The following ATF7 variants were observed in gnomAD, a reference collection of about 807,000 sequenced individuals.
ATF7 encodes activating transcription factor 7, also known as cyclic AMP-dependent transcription factor ATF-7.
In ATF7, 10 loss-of-function variants were observed where a neutral mutation model predicts 50.4. The observed-to-expected ratio is 0.20, with a 90% CI of 0.12 to 0.34. ATF7 has a LOEUF of 0.34. Ranked by LOEUF, ATF7 falls within the 10% of genes least tolerant of loss-of-function variation. The pLI, the probability that ATF7 is intolerant of heterozygous loss-of-function variation, is 1.00. For missense variants in ATF7, 465 were observed against 613.9 expected (o/e 0.76, Z 2.56); for synonymous variants, 201 against 226.4 (o/e 0.89, Z 1.01).
At chr12:53,561,022 T>C (rs1235852969) in intron 2 of ATF7, among the ~76,000 whole-genome samples, 1 of 151,294 alleles carries the variant, frequency 6.6e-6, no homozygotes, top group Non-Finnish European at 1.5e-5. Context: ...CTTAGATCAC[T>C]GTAACCTCAA....
At chr12:53,624,245 C>G (rs1944513285) in intron 1 of ATF7, among the ~76,000 whole-genome samples, 1 of 152,196 alleles carries the variant, frequency 6.6e-6, no homozygotes, top group Non-Finnish European at 1.5e-5. Context: ...GCTAACGGGT[C>G]AGCAATGAAT....
chr12:53,545,882 A>C (rs1025674055), intron 3 of ATF7, among the ~76,000 whole-genome samples: 7 of 151,094 alleles, frequency 4.6e-5, no homozygotes, highest in African/African-American at 1.7e-4. Flanking sequence ...ACATGGTGAA[A>C]CTCCATCTCT....
At position 53,512,476 on chromosome 12, in the gene ATF7, C is replaced by T. The variant is rs1944158372; in HGVS notation, c.*4661G>A. On this transcript the variant is annotated 3_prime_UTR_variant, in exon 12 of 12. Coordinates refer to ENST00000420353, the MANE Select transcript of ATF7 (RefSeq NM_006856.3). ...ATATAATCATAGATACACACTGCTT[C>T]CTTTTCAATAGATACTATGTTAGGA... 1 of 152,192 alleles carries T rather than the reference C, an allele frequency of 6.6e-6. No homozygotes were observed. The highest frequency in any genetic ancestry group is 1.5e-5 in the Non-Finnish European group (1 of 68,054). The allele number at this position is 152,192 out of a possible 1,614,324, so 9.4% of individuals were successfully genotyped here.
chr12:53,598,685 C>A (rs865982494), intron 2 of ATF7, among the ~76,000 whole-genome samples: 2 of 152,342 alleles, frequency 1.3e-5, no homozygotes, highest in Admixed American at 6.5e-5. Flanking sequence ...GTGGATACTA[C>A]TCTTTTCTGA....
chr12:53,584,172 G>C (rs1181979369), intron 2 of ATF7, among the ~76,000 whole-genome samples: 1 of 152,114 alleles, frequency 6.6e-6, no homozygotes, highest in Non-Finnish European at 1.5e-5. Context: ...GGAGAGACGG[G>C]GGTTTCATCA....
intron 2 of ATF7, among the ~76,000 whole-genome samples, chr12:53,559,547 C>A (rs1390359219): frequency 2.0e-5 from 3 of 151,886 alleles, no homozygotes; most frequent in African/African-American, 7.3e-5. Context: ...CGTGTGGAGG[C>A]GCGTGCCTGT....
chr12:53,522,574 A>C (rs1002843363), intron 11 of ATF7: 1 of 150,200 alleles, frequency 6.7e-6, no homozygotes, highest in Non-Finnish European at 1.5e-5. Flanking sequence ...CAAAAAAAAA[A>C]CAACATAGAT....
intron 11 of ATF7, among the ~76,000 whole-genome samples, chr12:53,519,931 A>G (rs1938005568): frequency 6.6e-6 from 1 of 151,952 alleles, no homozygotes; most frequent in Admixed American, 6.6e-5. Context: ...TATTTTTAGT[A>G]GAGATGGGGT....
At chr12:53,611,468 CA>C (rs1311117989) in intron 1 of ATF7, among the ~76,000 whole-genome samples, 1 of 152,036 alleles carries the variant, frequency 6.6e-6, no homozygotes, top group Admixed American at 6.6e-5. Context: ...AACAAACAAA[CA>C]AACAAAATTC....
At chr12:53,551,360 C>G (rs1940342024) in intron 3 of ATF7, among the ~76,000 whole-genome samples, 1 of 152,206 alleles carries the variant, frequency 6.6e-6, no homozygotes, top group South Asian at 2.1e-4. Context: ...CAAGGTCTCT[C>G]TATGCTGCTC....
At chr12:53,568,779 CTTT>C (rs1941590654) in intron 2 of ATF7, among the ~76,000 whole-genome samples, 1 of 152,184 alleles carries the variant, frequency 6.6e-6, no homozygotes, top group East Asian at 1.9e-4. Context: ...TGGATGTTTA[CTTT>C]CTAACCATAA....
chr12:53,587,479 G>A (rs1383772918), intron 2 of ATF7, among the ~76,000 whole-genome samples: 1 of 150,946 alleles, frequency 6.6e-6, no homozygotes, highest in African/African-American at 2.4e-5. Context: ...TTCAAGACCA[G>A]CTTGGCCAAT....
At chr12:53,550,687 T>A (rs1456605013) in intron 3 of ATF7, among the ~76,000 whole-genome samples, 1 of 152,206 alleles carries the variant, frequency 6.6e-6, no homozygotes, top group Non-Finnish European at 1.5e-5. Context: ...GTCATTGACA[T>A]AAAGACTTGA....
chr12:53,616,751 T>C (rs943238927), intron 1 of ATF7, among the ~76,000 whole-genome samples: 2 of 151,548 alleles, frequency 1.3e-5, no homozygotes, highest in African/African-American at 2.4e-5. Flanking sequence ...GAGACCAGCC[T>C]GGGCAACACA....
chr12:53,529,399 C>T (rs2137364322), intron 9 of ATF7, among the ~76,000 whole-genome samples: 1 of 151,166 alleles, frequency 6.6e-6, no homozygotes, highest in South Asian at 2.1e-4. Context: ...GATGGGGTTT[C>T]ACCATGTTGG....
At chr12:53,542,483 G>A (rs1395811415) in intron 4 of ATF7, among the ~76,000 whole-genome samples, 8 of 151,798 alleles carry the variant, frequency 5.3e-5, no homozygotes, top group Admixed American at 4.6e-4. Flanking sequence ...CTGGAGCACA[G>A]TGGTGCAATC....
rs1388109792 is a variant in ATF7, at chr12:53,534,635, T to A, written c.427A>T (p.Ile143Phe). The change falls in exon 6 of 12, where the codon ATC (isoleucine) becomes TTC (phenylalanine). Residue 143 changes from isoleucine to phenylalanine, a missense_variant. Transcript: ENST00000420353. ...ACAATGGTGGGTGTGGGGGTAGAGA[T>A]CAGAACAGGCTTTGGGGTAACCTCC... ...EKEVTPKPVL[I>F]STPTPTIVRP... 6.2e-7 allele frequency: 1 copy of A among 1,612,360 alleles called. No homozygotes were observed. Among genetic ancestry groups the A allele is most frequent in the Admixed American group, 1.7e-5 (1 of 59,452 alleles).
chr12:53,616,415 G>T lies in ATF7; in HGVS notation c.-22+9864C>A, dbSNP rs144325536. ...TTTTAAAATTTTTTGTAGAGATGGG[G>T]TCTCCCTGTGTTGCTCAGGCTGGTC... On this transcript the variant is annotated intron_variant, in intron 1 of 11. Transcript: ENST00000420353. 3.3e-3 allele frequency among the ~76,000 whole-genome samples: 509 copies of T among 151,952 alleles called. 8 individuals are homozygous for T. In the South Asian group the frequency reaches 0.04, roughly 12 times the overall value.
chr12:53,540,739 T>C (rs1449350224), intron 4 of ATF7, among the ~76,000 whole-genome samples: 4 of 151,276 alleles, frequency 2.6e-5, no homozygotes, highest in African/African-American at 7.3e-5. Flanking sequence ...AAAATAATAA[T>C]AATAAATAAT....
Sources: allele counts gnomAD v4.1 joint callset (sites outside exome capture counted in the v4.1 genomes callset), GRCh38; gene constraint gnomAD v4.1.1; transcripts MANE v1.5; gene names NCBI Gene and HGNC (gene_info 2026-07-23, HGNC 2026-07-21).